MYO3B: variants seen among roughly 807,000 people sequenced by gnomAD.
MYO3B encodes myosin IIIB.
In MYO3B, 156 loss-of-function variants were observed where a neutral mutation model predicts 174.6. That is an observed-to-expected ratio of 0.89 (90% CI 0.78 to 1.02). The LOEUF (loss-of-function observed/expected upper bound fraction) is 1.02. Among genes scored for constraint, MYO3B ranks in the 50% least tolerant of loss-of-function variants. MYO3B has a pLI of 0.00. For synonymous variants in MYO3B, 563 were observed against 569.1 expected (o/e 0.99, Z 0.15); for missense variants, 1,632 against 1,639.4 (o/e 1.00, Z 0.08).
At chr2:170,292,773 A>G (rs965675461) in intron 7 of MYO3B, among the ~76,000 whole-genome samples, 6 of 152,152 alleles carry the variant, frequency 3.9e-5, no homozygotes, top group African/African-American at 1.4e-4. Context: ...CTACAATGTG[A>G]TGCTGCTGAA....
chr2:170,521,751 C>G (rs1267655220), intron 30 of MYO3B, among the ~76,000 whole-genome samples: 1 of 152,064 alleles, frequency 6.6e-6, no homozygotes, highest in African/African-American at 2.4e-5. Flanking sequence ...TTGGCCTGTC[C>G]TTCCTTCTTT....
intron 7 of MYO3B, among the ~76,000 whole-genome samples, chr2:170,297,562 G>A (rs2093636891): frequency 6.6e-6 from 1 of 152,168 alleles, no homozygotes; most frequent in South Asian, 2.1e-4. Context: ...TGATAGAGGG[G>A]AAAGAAGAAA....
intron 22 of MYO3B, chr2:170,412,091 G>A (rs1182582201): frequency 2.6e-5 from 4 of 152,176 alleles, no homozygotes; most frequent in Non-Finnish European, 4.4e-5. Flanking sequence ...TAACCCTTCG[G>A]CTGAGACTTT....
At chr2:170,602,707 T>C (rs1270800528) in intron 32 of MYO3B, among the ~76,000 whole-genome samples, 1 of 152,176 alleles carries the variant, frequency 6.6e-6, no homozygotes, top group Non-Finnish European at 1.5e-5. Context: ...AATTACTATA[T>C]GTCATCCTCC....
At chr2:170,602,021 G>C (rs1234027975) in intron 32 of MYO3B, 14 of 910,578 alleles carry the variant, frequency 1.5e-5, no homozygotes, top group Non-Finnish European at 2.6e-5. Flanking sequence ...CTTTCATAAC[G>C]GTCTTTGTCC....
intron 7 of MYO3B, among the ~76,000 whole-genome samples, chr2:170,295,500 A>G (rs2093623652): frequency 6.6e-6 from 1 of 152,042 alleles, no homozygotes; most frequent in East Asian, 1.9e-4. Flanking sequence ...CCTATTTGCT[A>G]AAGAATATAT....
chr2:170,355,698 C>T (rs2105620021), intron 8 of MYO3B, among the ~76,000 whole-genome samples: 1 of 152,294 alleles, frequency 6.6e-6, no homozygotes, highest in South Asian at 2.1e-4. Flanking sequence ...TTTCAGCAAT[C>T]TTCTTTTCAT....
chr2:170,557,454 T>A (rs6743293), intron 32 of MYO3B, among the ~76,000 whole-genome samples: 19,077 of 152,200 alleles, frequency 0.13, 2,284 homozygotes, highest in African/African-American at 0.32. Context: ...CTAGAAAAAC[T>A]CAGGTTGTCT....
At chr2:170,188,298 A>T (rs1217066535) in intron 1 of MYO3B, among the ~76,000 whole-genome samples, 2 of 151,962 alleles carry the variant, frequency 1.3e-5, no homozygotes, top group Non-Finnish European at 2.9e-5. Flanking sequence ...TTCCATTTGC[A>T]TAGAATATTT....
At chr2:170,197,720 C>T (rs1447167457) in intron 1 of MYO3B, among the ~76,000 whole-genome samples, 1 of 127,826 alleles carries the variant, frequency 7.8e-6, no homozygotes, top group Non-Finnish European at 1.7e-5. Flanking sequence ...TCAGTTTCTT[C>T]TTCCTCCTCA....
chr2:170,287,734 C>T (rs1261681804), intron 7 of MYO3B, among the ~76,000 whole-genome samples: 1 of 151,718 alleles, frequency 6.6e-6, no homozygotes, highest in Non-Finnish European at 1.5e-5. Context: ...GATATAATCC[C>T]ATTTGTTTAT....
At chr2:170,515,143 T>A in intron 29 of MYO3B, 121 bp downstream of exon 29, 1 of 787,202 alleles carries the variant, frequency 1.3e-6, no homozygotes, top group Non-Finnish European at 2.0e-6. Flanking sequence ...CCTTCTTTTT[T>A]CTATAGGTGA....
At chr2:170,199,007 T>C (rs1411148702) in intron 1 of MYO3B, among the ~76,000 whole-genome samples, 1 of 152,212 alleles carries the variant, frequency 6.6e-6, no homozygotes, top group African/African-American at 2.4e-5. Context: ...TTCAGAGCCA[T>C]GTTACTCCTC....
chr2:170,559,824 C>T (rs1418337977), intron 32 of MYO3B, among the ~76,000 whole-genome samples: 2 of 152,092 alleles, frequency 1.3e-5, no homozygotes, highest in Admixed American at 6.5e-5. Context: ...CCCACATTGT[C>T]CCCTCTTTCC....
chr2:170,233,953 C>T (rs1262379416), intron 6 of MYO3B, among the ~76,000 whole-genome samples: 7 of 151,914 alleles, frequency 4.6e-5, no homozygotes, highest in African/African-American at 1.5e-4. Context: ...GGGTGGATCA[C>T]GAGGTCAGGA....
chr2:170,631,963 T>C (rs1447763616), intron 32 of MYO3B, among the ~76,000 whole-genome samples: 2 of 152,088 alleles, frequency 1.3e-5, no homozygotes. Context: ...CCTAAATATA[T>C]ACAGGAGCAC....
intron 7 of MYO3B, among the ~76,000 whole-genome samples, chr2:170,305,609 T>C (rs551592743): frequency 6.6e-6 from 1 of 152,296 alleles, no homozygotes; most frequent in South Asian, 2.1e-4. Flanking sequence ...CAGGACACTT[T>C]TCCCTGTGCC....
chr2:170,185,417 A>G (rs768482054), intron 1 of MYO3B, among the ~76,000 whole-genome samples: 2 of 152,118 alleles, frequency 1.3e-5, no homozygotes, highest in Non-Finnish European at 2.9e-5. Context: ...TCCTCAATGT[A>G]TGTTTGTGGC....
At chr2:170,645,468 C>CAAAAAAAAAA (rs55720994) in intron 32 of MYO3B, among the ~76,000 whole-genome samples, 1 of 66,412 alleles carries the variant, frequency 1.5e-5, no homozygotes. Context: ...GGCTCCGTCT[C>CAAAAAAAAAA]AAAAAAAAAA....
Sources: allele counts gnomAD v4.1 joint callset (sites outside exome capture counted in the v4.1 genomes callset), GRCh38; gene constraint gnomAD v4.1.1; transcripts MANE v1.5; gene names NCBI Gene and HGNC (gene_info 2026-07-23, HGNC 2026-07-21).